SHISA9: variants seen among roughly 807,000 people sequenced by gnomAD.
SHISA9 encodes shisa family member 9, also known as protein shisa-9.
Under a neutral mutation model 38.0 loss-of-function variants are expected in SHISA9, and 13 were observed. That is an observed-to-expected ratio of 0.34 (90% CI 0.22 to 0.54). The LOEUF (loss-of-function observed/expected upper bound fraction) is 0.54, where lower values mean the gene tolerates loss of function less well. SHISA9 is among the 20% of genes least tolerant of loss of function. The pLI, the probability that SHISA9 is intolerant of heterozygous loss-of-function variation, is 0.91. For synonymous variants in SHISA9, 275 were observed against 242.0 expected (o/e 1.14, Z -1.27); for missense variants, 538 against 575.8 (o/e 0.93, Z 0.67).
the SHISA9 span, among the ~76,000 whole-genome samples, chr16:13,282,316 AT>A: frequency 2.0e-5 from 3 of 151,866 alleles, no homozygotes; most frequent in Admixed American, 6.6e-5. Flanking sequence ...CATATTCAAG[AT>A]TTTTTTGTTA....
intron 4 of SHISA9, among the ~76,000 whole-genome samples, chr16:13,220,624 C>A (rs2051214263): frequency 6.6e-6 from 1 of 152,078 alleles, no homozygotes; most frequent in Non-Finnish European, 1.5e-5. Flanking sequence ...ATTTCACCAG[C>A]TGGGAGGATG....
intron 2 of SHISA9, among the ~76,000 whole-genome samples, chr16:12,952,181 G>T (rs1833421437): frequency 6.6e-6 from 1 of 152,206 alleles, no homozygotes; most frequent in Admixed American, 6.5e-5. Context: ...AAATCCTGGG[G>T]AAACAGCAGC....
chr16:13,357,748 G>A, the SHISA9 span, among the ~76,000 whole-genome samples: 1 of 151,680 alleles, frequency 6.6e-6, no homozygotes, highest in Non-Finnish European at 1.5e-5. Context: ...GTCAAAGGGG[G>A]TTTGTTCTCT....
the SHISA9 span, among the ~76,000 whole-genome samples, chr16:13,267,483 C>T: frequency 6.6e-6 from 1 of 152,074 alleles, no homozygotes; most frequent in East Asian, 1.9e-4. Flanking sequence ...AGCAACTTGG[C>T]AATGTATATC....
the SHISA9 span, among the ~76,000 whole-genome samples, chr16:13,539,209 A>G: frequency 6.6e-6 from 1 of 150,602 alleles, no homozygotes; most frequent in Admixed American, 6.7e-5. Flanking sequence ...AGCTCACTGT[A>G]GCCTTGACCT....
intron 2 of SHISA9, among the ~76,000 whole-genome samples, chr16:13,151,537 T>C (rs915725558): frequency 6.6e-6 from 1 of 152,204 alleles, no homozygotes; most frequent in Non-Finnish European, 1.5e-5. Flanking sequence ...TGTCTGGATA[T>C]ATCTTATCCA....
At chr16:12,934,814 T>C (rs1208126436) in intron 2 of SHISA9, among the ~76,000 whole-genome samples, 1 of 152,150 alleles carries the variant, frequency 6.6e-6, no homozygotes, top group Non-Finnish European at 1.5e-5. Flanking sequence ...GTAAATAGTT[T>C]GTGTCAGGAA....
the SHISA9 span, among the ~76,000 whole-genome samples, chr16:13,343,019 T>TA: frequency 2.0e-5 from 3 of 152,252 alleles, no homozygotes; most frequent in African/African-American, 7.2e-5. Flanking sequence ...TAAGAGTTAA[T>TA]ATATGCAAAA....
chr16:13,235,203 C>T lies in SHISA9; in HGVS notation c.1069C>T (p.Pro357Ser), dbSNP rs1243820407. Residue 357 changes from proline (P) to serine (S), a missense_variant, in exon 5 of 5, where the codon CCA becomes TCA. By Grantham distance (74) the Pro-to-Ser change is moderately conservative. This residue lies in a region of SHISA9 where 326 missense variants were observed against 305.9 expected (regional missense o/e 1.07). Transcript: ENST00000558583. ...GQKSRTNKMP[P>S]HPLAYTSTTN... The stretch of plus-strand genomic sequence containing the variant: ...GAAGTCCCGCACCAACAAGATGCCC[C>T]CACATCCCCTGGCCTACACCTCTAC... 1.3e-6 allele frequency: 2 copies of T among 1,551,668 alleles called. No individual in the cohort carries two copies. The highest frequency in any genetic ancestry group is 1.7e-6 in the Non-Finnish European group (2 of 1,147,010).
At chr16:13,366,127 G>A in the SHISA9 span, among the ~76,000 whole-genome samples, 4 of 152,180 alleles carry the variant, frequency 2.6e-5, no homozygotes, top group Admixed American at 2.6e-4. Flanking sequence ...AGGGCCATGT[G>A]TAAAATGATG....
chr16:13,483,332 A>G, the SHISA9 span, among the ~76,000 whole-genome samples: 1 of 152,196 alleles, frequency 6.6e-6, no homozygotes, highest in Admixed American at 6.5e-5. Context: ...ATGCACCCCC[A>G]AGGTCAGAGT....
At chr16:13,155,875 C>G (rs7185023) in intron 2 of SHISA9, among the ~76,000 whole-genome samples, 2,949 of 151,970 alleles carry the variant, frequency 0.019, 91 homozygotes, top group African/African-American at 0.066. Context: ...CTTCCCTCTC[C>G]CAGAATGAGG....
At chr16:12,914,582 T>TGCTGTTGTGGCTTCTCACAACGCA (rs762713548) in intron 1 of SHISA9, among the ~76,000 whole-genome samples, 1 of 152,134 alleles carries the variant, frequency 6.6e-6, no homozygotes, top group African/African-American at 2.4e-5. Context: ...ATGGGGCTCT[T>TGCTGTTGTGGCTTCTCACAACGCA]GCTGTTGTGG....
chr16:13,310,685 T>C, the SHISA9 span, among the ~76,000 whole-genome samples: 85 of 90,498 alleles, frequency 9.4e-4, no homozygotes, highest in African/African-American at 4.0e-3. Flanking sequence ...ATTTTTATGC[T>C]TTTTTTTTTT....
At chr16:13,543,255 T>C in the SHISA9 span, among the ~76,000 whole-genome samples, 5 of 152,146 alleles carry the variant, frequency 3.3e-5, no homozygotes, top group Non-Finnish European at 7.4e-5. Flanking sequence ...TAGATGGTCA[T>C]GATATAAACT....
chr16:13,350,652 T>C, the SHISA9 span: 1 of 152,204 alleles, frequency 6.6e-6, no homozygotes, highest in Admixed American at 6.5e-5. Flanking sequence ...AGACATGACT[T>C]TGCAGAAGTG....
At chr16:13,002,585 T>A (rs551809736) in intron 2 of SHISA9, among the ~76,000 whole-genome samples, 1 of 148,586 alleles carries the variant, frequency 6.7e-6, no homozygotes, top group Non-Finnish European at 1.5e-5. Context: ...CAGGCTTCAG[T>A]GCAGTGGTGT....
chr16:13,372,614 G>T, the SHISA9 span, among the ~76,000 whole-genome samples: 1 of 152,172 alleles, frequency 6.6e-6, no homozygotes, highest in Admixed American at 6.5e-5. Flanking sequence ...CTTGAAACAG[G>T]CTCTGGTTAG....
At chr16:12,915,807 A>T (rs2071245987) in intron 1 of SHISA9, among the ~76,000 whole-genome samples, 1 of 152,354 alleles carries the variant, frequency 6.6e-6, no homozygotes, top group South Asian at 2.1e-4. Flanking sequence ...AACACTGTTT[A>T]TGTAAAAGAC....
Sources: gnomAD v4.1 joint callset for allele counts (sites outside exome capture counted in the v4.1 genomes callset) on GRCh38, gnomAD v4.1.1 for gene constraint, gnomAD v4.1.1 regional missense constraint, MANE v1.5 for transcripts, NCBI Gene and HGNC (gene_info 2026-07-23, HGNC 2026-07-21) for gene names.